Variants in RAP1A observed in about 807,000 individuals in gnomAD.
RAP1A encodes the protein RAP1A, member of RAS oncogene family, also known as ras-related protein Rap-1A.
RAP1A carries 6 observed loss-of-function variants against 26.4 expected under a neutral mutation model. That is an observed-to-expected ratio of 0.23 (90% CI 0.12 to 0.45). The LOEUF (loss-of-function observed/expected upper bound fraction) is 0.45. RAP1A is among the 20% of genes least tolerant of loss of function. The pLI, the probability that RAP1A is intolerant of heterozygous loss-of-function variation, is 0.99. For missense variants in RAP1A, 121 were observed against 217.2 expected (o/e 0.56, Z 2.78); for synonymous variants, 73 against 79.4 (o/e 0.92, Z 0.43).
chr1:111,653,752 A>C (rs551362316), intron 1 of RAP1A, among the ~76,000 whole-genome samples: 1 of 151,936 alleles, frequency 6.6e-6, no homozygotes, highest in South Asian at 2.1e-4. Context: ...ACAAAAGAAA[A>C]TTTAACCAGA....
chr1:111,608,302 G>A (rs1344925269), intron 1 of RAP1A: 3 of 159,868 alleles, frequency 1.9e-5, no homozygotes, highest in African/African-American at 7.3e-5. Flanking sequence ...CTCAGACGAT[G>A]GGCGGCCGGG....
rs190333265 is a variant in RAP1A, at chr1:111,579,354, T to C, written c.-28+36845T>C. ...AAGATGTTCCTATCACCCAGGAAATTCTAGGGGTTTTAGAAGCTATGATAG... is the reference window on the plus strand; with the variant it reads ...AAGATGTTCCTATCACCCAGGAAATCCTAGGGGTTTTAGAAGCTATGATAG... On this transcript the variant is annotated intron_variant, in intron 1 of 7. Transcript: ENST00000356415. 8.0e-4 allele frequency among the ~76,000 whole-genome samples: 122 copies of C among 152,240 alleles called. 1 individual carries two copies. Among genetic ancestry groups the C allele is most frequent in the African/African-American group, 2.9e-3 (122 of 41,528 alleles).
chr1:111,586,848 C>G (rs1298188762), intron 1 of RAP1A, among the ~76,000 whole-genome samples: 1 of 152,170 alleles, frequency 6.6e-6, no homozygotes, highest in Non-Finnish European at 1.5e-5. Context: ...GCACTGCAGT[C>G]TTGAATCACC....
chr1:111,583,876 CTTT>C (rs71099920), intron 1 of RAP1A, among the ~76,000 whole-genome samples: 30 of 90,084 alleles, frequency 3.3e-4, no homozygotes, highest in Non-Finnish European at 4.0e-4. Context: ...ATTGTTATTT[CTTT>C]TTTTTTTTTT....
chr1:111,674,726 A>T (rs1243505740), intron 1 of RAP1A, among the ~76,000 whole-genome samples: 1 of 151,930 alleles, frequency 6.6e-6, no homozygotes, highest in African/African-American at 2.4e-5. Flanking sequence ...GTTATCACTG[A>T]CTCTTCTTCA....
At chr1:111,601,677 G>C (rs893351408) in intron 1 of RAP1A, among the ~76,000 whole-genome samples, 4 of 152,144 alleles carry the variant, frequency 2.6e-5, no homozygotes, top group African/African-American at 9.7e-5. Flanking sequence ...GAGGTGCCCA[G>C]GTTTGAAAGT....
At chr1:111,616,111 T>A (rs371003735), upstream of RAP1A, among the ~76,000 whole-genome samples, 1 of 152,166 alleles carries the variant, frequency 6.6e-6, no homozygotes, top group African/African-American at 2.4e-5. Context: ...GAGCTGGATT[T>A]AGGAAGAAAG....
At chr1:111,582,908 G>A (rs183032848) in intron 1 of RAP1A, among the ~76,000 whole-genome samples, 7 of 152,272 alleles carry the variant, frequency 4.6e-5, no homozygotes, top group East Asian at 1.9e-4. Context: ...CTGGTCTCCC[G>A]GCCTGAACCT....
chr1:111,676,531 G>A (rs868779038), intron 1 of RAP1A, among the ~76,000 whole-genome samples: 8 of 151,644 alleles, frequency 5.3e-5, no homozygotes, highest in Admixed American at 2.6e-4. Context: ...TCTCTTTCCC[G>A]CATTGAATTA....
Position 111,691,416 on chromosome 1 carries a change from T to A in RAP1A, c.56T>A (p.Leu19Gln), listed in dbSNP as rs1318617056. 1 of 1,610,936 alleles carries A rather than the reference T, an allele frequency of 6.2e-7. No homozygotes were observed. The highest frequency in any genetic ancestry group is 8.5e-7 in the Non-Finnish European group (1 of 1,177,154). Residue 19 changes from leucine to glutamine, a missense_variant and splice_region_variant, in exon 2 of 8, where the codon CTG (leucine) becomes CAG (glutamine). Leu to Gln is a moderately radical substitution (Grantham distance 113). Coordinates refer to ENST00000369709, the MANE Select transcript of RAP1A (RefSeq NM_002884.4). ...LGSGGVGKSA[L>Q]TVQFVQGIFV... ...TCAGGAGGCGTTGGGAAGTCTGCTC[T>A]GGTAAGTTAGCCACCTAACTGTAAC...
At chr1:111,614,133 C>T (rs755029269) in intron 1 of RAP1A, among the ~76,000 whole-genome samples, 1 of 152,182 alleles carries the variant, frequency 6.6e-6, no homozygotes, top group Non-Finnish European at 1.5e-5. Flanking sequence ...CAGTTTGAGG[C>T]CTTGCTAATT....
At chr1:111,618,322 C>T (rs1659058701), upstream of RAP1A, among the ~76,000 whole-genome samples, 1 of 152,214 alleles carries the variant, frequency 6.6e-6, no homozygotes, top group Non-Finnish European at 1.5e-5. Context: ...CAGTCCTTAT[C>T]TTACTAATTT....
chr1:111,553,063 C>T (rs559498066), intron 1 of RAP1A, among the ~76,000 whole-genome samples: 1 of 152,310 alleles, frequency 6.6e-6, no homozygotes, highest in South Asian at 2.1e-4. Context: ...ATTCAGATTG[C>T]GATTTCTCAG....
chr1:111,621,061 A>G (rs1296643463), intron 1 of RAP1A, among the ~76,000 whole-genome samples: 3 of 152,214 alleles, frequency 2.0e-5, no homozygotes, highest in Admixed American at 2.0e-4. Flanking sequence ...ATAATAGAGC[A>G]GAAGGTCAAT....
intron 4 of RAP1A, among the ~76,000 whole-genome samples, chr1:111,699,846 A>G (rs1056466907): frequency 9.9e-5 from 15 of 152,024 alleles, no homozygotes; most frequent in African/African-American, 3.6e-4. Context: ...ATTATCCCTT[A>G]TATCTTCAAC....
chr1:111,606,436 A>C (rs1252216935), intron 1 of RAP1A, among the ~76,000 whole-genome samples: 1 of 152,218 alleles, frequency 6.6e-6, no homozygotes, highest in Non-Finnish European at 1.5e-5. Context: ...GCAACTGTGG[A>C]AACACTATTT....
Position 111,715,355 on chromosome 1 carries a change from G to A in RAP1A, c.*2954G>A, listed in dbSNP as rs576861931. On this transcript the variant is annotated 3_prime_UTR_variant, in exon 8 of 8. Coordinates refer to ENST00000369709, the MANE Select transcript of RAP1A (RefSeq NM_002884.4). ...AGCCTCCCAAAGTGCTGGGATTACA[G>A]GCGTGAGCCACCGCGCCTGGCCCGG... The A allele has an allele frequency of 6.7e-6, 1 of 149,976 alleles. No individual in the cohort carries two copies. Among genetic ancestry groups the A allele is most frequent in the Admixed American group, 6.6e-5 (1 of 15,072 alleles). The allele number at this position is 149,976 out of a possible 1,614,324, so 9.3% of individuals were successfully genotyped here.
chr1:111,617,518 C>T (rs565321398), upstream of RAP1A, among the ~76,000 whole-genome samples: 7 of 152,206 alleles, frequency 4.6e-5, no homozygotes, highest in South Asian at 6.2e-4. Flanking sequence ...CTGCAAGTTC[C>T]GCCTTCCAGG....
chr1:111,600,198 T>C (rs561634753), intron 1 of RAP1A: 2 of 152,372 alleles, frequency 1.3e-5, no homozygotes, highest in South Asian at 2.1e-4. Flanking sequence ...ACCAAATATG[T>C]GTTTCACAAT....
Sources: allele counts gnomAD v4.1 joint callset (sites outside exome capture counted in the v4.1 genomes callset), GRCh38; gene constraint gnomAD v4.1.1; transcripts MANE v1.5; gene names NCBI Gene and HGNC (gene_info 2026-07-23, HGNC 2026-07-21).